The following LEPR variants were observed in gnomAD, a reference collection of about 807,000 sequenced individuals.
LEPR encodes the protein leptin receptor, also known as OB receptor.
A neutral mutation model predicts 114.7 loss-of-function variants in LEPR; 56 were observed. That is an observed-to-expected ratio of 0.49 (90% CI 0.39 to 0.61). The LOEUF is 0.61. LEPR is among the 20% of genes least tolerant of loss of function. The probability of loss-of-function intolerance (pLI) is 0.00; values close to 1 mark genes in which losing one functional copy is unlikely to be tolerated. For missense variants in LEPR, 1,202 were observed against 1,352.9 expected (o/e 0.89, Z 1.75); for synonymous variants, 443 against 461.4 (o/e 0.96, Z 0.51).
rs1293951185 is a variant in LEPR, at chr1:65,592,763, C to T, written c.601C>T (p.Pro201Ser). The stretch of plus-strand genomic sequence containing the variant: ...ATGTTGTGAATGTCTTGTGCCTGTG[C>T]CAACAGCCAAACTCAACGACACTCT... ...HECCECLVPV[P>S]TAKLNDTLLM... The change falls in exon 6 of 20, where the codon CCA (proline) becomes TCA (serine). Residue 201 changes from proline to serine, a missense_variant. By Grantham distance (74) the Pro-to-Ser change is moderately conservative. Coordinates refer to ENST00000349533, the MANE Select transcript of LEPR (RefSeq NM_002303.6). 15 of 1,613,256 alleles carry T rather than the reference C, an allele frequency of 9.3e-6. No homozygotes were observed. The highest frequency in any genetic ancestry group is 1.3e-5 in the Non-Finnish European group (15 of 1,179,458).
chr1:65,431,695 C>T, intron 2 of LEPR: 1 of 1,162,028 alleles, frequency 8.6e-7, no homozygotes. Flanking sequence ...CTTTTAGCAG[C>T]TTTGTGTAAC....
At chr1:65,592,978 A>C in intron 6 of LEPR, 113 bp downstream of exon 6, 1 of 1,153,906 alleles carries the variant, frequency 8.7e-7, no homozygotes, top group Non-Finnish European at 1.3e-6. Context: ...TAACACTGTA[A>C]TGATGGTAGA....
rs926499345 is a variant in LEPR, at chr1:65,435,839, A to G, written c.-21+10461A>G. 3.1e-6 allele frequency: 3 copies of G among 982,984 alleles called. No homozygotes were observed. The African/African-American group carries it at 5.3e-5, about 17-fold the overall frequency. The allele number at this position is 982,984 out of a possible 1,614,324, so 60.9% of individuals were successfully genotyped here. On this transcript the variant is annotated intron_variant, in intron 2 of 19. Transcript: ENST00000349533. ...ATTTTAATTTAATTCTCCTTTTTCC[A>G]TTTTGTCTCATGAAGTACCTTATTG...
chr1:65,505,277 C>T (rs1388069838), intron 2 of LEPR, among the ~76,000 whole-genome samples: 1 of 152,094 alleles, frequency 6.6e-6, no homozygotes, highest in Non-Finnish European at 1.5e-5. Flanking sequence ...ATGTATCAAG[C>T]ATATAATTAC....
chr1:65,613,520 G>A (rs1217166701), intron 14 of LEPR, among the ~76,000 whole-genome samples: 5 of 97,486 alleles, frequency 5.1e-5, no homozygotes, highest in African/African-American at 1.0e-4. Context: ...TTGGGAGGCC[G>A]AGGCGGGTGG....
chr1:65,523,639 ATAAT>A (rs759432069), intron 2 of LEPR, among the ~76,000 whole-genome samples: 2 of 152,218 alleles, frequency 1.3e-5, no homozygotes, highest in Non-Finnish European at 1.5e-5. Flanking sequence ...TCACAATGAA[ATAAT>A]TAATTATATT....
In LEPR at chr1:65,474,719, A is replaced by C. The variant is rs542850557; in HGVS notation, c.-21+49341A>C. 3.3e-5 allele frequency among the ~76,000 whole-genome samples: 5 copies of C among 152,230 alleles called. No individual in the cohort carries two copies. The South Asian group carries it at 1.0e-3, about 32-fold the overall frequency. ...CCAAAGTGGGTAAATTGAAAGTAGC[A>C]AGAAAAGGCCAGGTGCGGTGGCTCA... On this transcript the variant is annotated intron_variant, in intron 2 of 19. Coordinates refer to ENST00000349533, the MANE Select transcript of LEPR (RefSeq NM_002303.6).
At chr1:65,490,744 C>T (rs955128632) in intron 2 of LEPR, among the ~76,000 whole-genome samples, 3 of 152,046 alleles carry the variant, frequency 2.0e-5, no homozygotes, top group Non-Finnish European at 2.9e-5. Flanking sequence ...TATCCTTGGG[C>T]CTAAAAACAA....
rs565461800 is a variant in LEPR at position 65,473,272 on chromosome 1, T to C, written c.-21+47894T>C. Among the ~76,000 whole-genome samples, 626 of 152,350 alleles carry C rather than the reference T, an allele frequency of 4.1e-3. 3 individuals carry two copies. Among genetic ancestry groups the C allele is most frequent in the Non-Finnish European group, 6.8e-3 (463 of 68,036 alleles). ...CTAAGAGAGAAGGATCTAGTCTGGC[T>C]AAATCCAATGCCTAGGCCAATTTCT... On this transcript the variant is annotated intron_variant, in intron 2 of 19. Transcript: ENST00000349533.
chr1:65,451,332 T>A (rs1467298987), intron 2 of LEPR, among the ~76,000 whole-genome samples: 1 of 152,202 alleles, frequency 6.6e-6, no homozygotes, highest in Non-Finnish European at 1.5e-5. Context: ...TCTTGGTGTT[T>A]TAGACATGAA....
chr1:65,445,008 A>C (rs1180386477), intron 2 of LEPR, among the ~76,000 whole-genome samples: 1 of 152,188 alleles, frequency 6.6e-6, no homozygotes, highest in Non-Finnish European at 1.5e-5. Flanking sequence ...TACTCTACAG[A>C]TGCCAATCTA....
chr1:65,605,294 T>C lies in LEPR; in HGVS notation c.1603+57T>C, dbSNP rs948018882. 2.5e-6 allele frequency: 4 copies of C among 1,599,980 alleles called. No homozygotes were observed. The African/African-American group carries it at 5.4e-5, about 21-fold the overall frequency. On this transcript the variant is annotated intron_variant, in intron 11 of 19. Transcript: ENST00000349533. ...GTTAGCAGATTTGTATGCAGATTGA[T>C]GCAGATTTAATGTTATATTTTGCCA...
intron 1 of LEPR, 24 bp downstream of exon 1, chr1:65,420,764 T>C (rs1224163577): frequency 2.5e-6 from 4 of 1,576,336 alleles, no homozygotes; most frequent in South Asian, 2.3e-5. Context: ...CCCGGCTCGC[T>C]TGTCGTGTGG....
chr1:65,548,462 T>G (rs192434481), intron 2 of LEPR, among the ~76,000 whole-genome samples: 1,969 of 152,252 alleles, frequency 0.013, 28 homozygotes, highest in Non-Finnish European at 0.019. Flanking sequence ...TGTAGGTCAC[T>G]CAGGACTTGC....
Position 65,638,919 on chromosome 1 carries a change from T to C in LEPR, c.*1904T>C, listed in dbSNP as rs1400415493. The C allele has an allele frequency of 6.6e-6, 1 of 152,164 alleles. No homozygotes were observed. The highest frequency in any genetic ancestry group is 6.5e-5 in the Admixed American group (1 of 15,270). The allele number at this position is 152,164 out of a possible 1,614,324, so 9.4% of individuals were successfully genotyped here. A position where few individuals can be genotyped will look rare whatever the true frequency, so the allele number is the denominator to read the frequency against. On this transcript the variant is annotated 3_prime_UTR_variant, in exon 20 of 20. Coordinates refer to ENST00000349533, the MANE Select transcript of LEPR (RefSeq NM_002303.6). The stretch of plus-strand genomic sequence containing the variant: ...ACACAGAAACAGATAAATTATTACA[T>C]GTATAAAAATTTTAGTAAAATTGAC...
At chr1:65,621,329 G>A in intron 17 of LEPR, 24 bp from the exon 18 acceptor site, 1 of 1,589,786 alleles carries the variant, frequency 6.3e-7, no homozygotes, top group Non-Finnish European at 8.6e-7. Flanking sequence ...TTTCTGAGTT[G>A]TGTAAATTGT....
intron 2 of LEPR, among the ~76,000 whole-genome samples, chr1:65,465,109 G>A (rs1444848301): frequency 3.3e-5 from 5 of 152,088 alleles, no homozygotes; most frequent in Admixed American, 2.6e-4. Flanking sequence ...TCTTTTAACT[G>A]TGATGATAGG....
intron 7 of LEPR, among the ~76,000 whole-genome samples, chr1:65,597,591 G>A (rs1444549903): frequency 6.6e-6 from 1 of 152,090 alleles, no homozygotes; most frequent in Admixed American, 6.6e-5. Context: ...GCAAAGGATG[G>A]TGTGGCTGAG....
intron 2 of LEPR, among the ~76,000 whole-genome samples, chr1:65,534,841 C>G (rs530896016): frequency 6.6e-6 from 1 of 152,254 alleles, no homozygotes; most frequent in South Asian, 2.1e-4. Context: ...TTATAATAGG[C>G]TTTAAAAACG....
Sources: allele counts gnomAD v4.1 joint callset (sites outside exome capture counted in the v4.1 genomes callset), GRCh38; gene constraint gnomAD v4.1.1; transcripts MANE v1.5; gene names NCBI Gene and HGNC (gene_info 2026-07-23, HGNC 2026-07-21).